TSC22D1: variants seen among roughly 807,000 people sequenced by gnomAD.
TSC22D1 encodes the protein TSC22 domain family member 1, also known as TSC22 domain family protein 1.
In TSC22D1, 9 loss-of-function variants were observed where a neutral mutation model predicts 74.2. The observed-to-expected ratio is 0.12, with a 90% confidence interval of 0.07 to 0.21. TSC22D1 has a LOEUF of 0.21. Ranked by LOEUF, TSC22D1 falls within the 10% of genes least tolerant of loss-of-function variation. TSC22D1 has a pLI of 1.00. For synonymous variants in TSC22D1, 586 were observed against 492.5 expected (o/e 1.19, Z -2.51); for missense variants, 1,427 against 1,304.7 (o/e 1.09, Z -1.44).
At chr13:44,546,823 G>C (rs1294943055) in intron 1 of TSC22D1, among the ~76,000 whole-genome samples, 1 of 151,628 alleles carries the variant, frequency 6.6e-6, no homozygotes, top group Non-Finnish European at 1.5e-5. Flanking sequence ...CCCAGGCTAG[G>C]ATGCGCTGAA....
At chr13:44,503,464 T>A (rs1644023282) in intron 1 of TSC22D1, among the ~76,000 whole-genome samples, 1 of 152,178 alleles carries the variant, frequency 6.6e-6, no homozygotes, top group African/African-American at 2.4e-5. Flanking sequence ...AAAAATGATT[T>A]CCACCCAAAC....
intron 1 of TSC22D1, among the ~76,000 whole-genome samples, chr13:44,523,873 C>G (rs975249919): frequency 3.9e-5 from 6 of 152,062 alleles, no homozygotes. Context: ...ATTAGATACT[C>G]ATGAGAATGA....
chr13:44,575,851 G>C lies in TSC22D1; in HGVS notation c.224C>G (p.Ser75Trp), dbSNP rs750196577. ...TTGTGGAGGCGGAGGCTGTGGTCCCGACGTAGAAGATGCTGCAGGGGGCGG... is the reference window on the plus strand; with the variant it reads ...TTGTGGAGGCGGAGGCTGTGGTCCCCACGTAGAAGATGCTGCAGGGGGCGG... ...QPPPPAASSTSGPQPPPPQSL... is the reference protein window; with the variant it reads ...QPPPPAASSTWGPQPPPPQSL... Residue 75 changes from serine (S) to tryptophan (W), a missense_variant, in exon 1 of 3, where the codon TCG becomes TGG. By Grantham distance (177) the Ser-to-Trp change is radical (BLOSUM62 -3). This residue lies in a region of TSC22D1 where 1,343 missense variants were observed against 1,191.5 expected (regional missense o/e 1.13). Transcript: ENST00000458659. 20 of 1,613,996 alleles carry C rather than the reference G, an allele frequency of 1.2e-5. No individual in the cohort carries two copies. The highest frequency in any genetic ancestry group is 1.7e-5 in the Non-Finnish European group (20 of 1,180,012).
intron 1 of TSC22D1, among the ~76,000 whole-genome samples, chr13:44,557,347 G>C (rs528095553): frequency 6.6e-6 from 1 of 152,136 alleles, no homozygotes; most frequent in Non-Finnish European, 1.5e-5. Flanking sequence ...TGTAATCCCA[G>C]CTACTTGGGA....
Position 44,432,585 on chromosome 13 carries a change from A to G in TSC22D1, c.*2041T>C, listed in dbSNP as rs982182407. 1.3e-5 allele frequency: 2 copies of G among 152,216 alleles called. No individual in the cohort carries two copies. Among genetic ancestry groups the G allele is most frequent in the Non-Finnish European group, 2.9e-5 (2 of 68,036 alleles). The allele number at this position is 152,216 out of a possible 1,614,324, so 9.4% of individuals were successfully genotyped here. On this transcript the variant is annotated 3_prime_UTR_variant, in exon 3 of 3. Coordinates refer to ENST00000458659, the MANE Select transcript of TSC22D1 (RefSeq NM_183422.4). The stretch of plus-strand genomic sequence containing the variant: ...AACAGGATGCCCGTGTCACCACTTT[A>G]TAACACATGCACGCTATCGAACAAT...
At chr13:44,530,675 A>C (rs908815836) in intron 1 of TSC22D1, among the ~76,000 whole-genome samples, 2 of 152,052 alleles carry the variant, frequency 1.3e-5, no homozygotes, top group South Asian at 2.1e-4. Flanking sequence ...AAAAAAAAAA[A>C]CAAACCTGAT....
At chr13:44,552,133 T>C (rs549489464) in intron 1 of TSC22D1, among the ~76,000 whole-genome samples, 382 of 152,326 alleles carry the variant, frequency 2.5e-3, no homozygotes, top group Non-Finnish European at 4.4e-3. Flanking sequence ...CTGTATATCT[T>C]CAGAAATGTC....
At chr13:44,506,258 T>C (rs770156076) in intron 1 of TSC22D1, among the ~76,000 whole-genome samples, 5 of 152,132 alleles carry the variant, frequency 3.3e-5, no homozygotes, top group South Asian at 2.1e-4. Flanking sequence ...AGGGGAACAG[T>C]TGAGTAGGAA....
chr13:44,548,090 C>T (rs187237627), intron 1 of TSC22D1, among the ~76,000 whole-genome samples: 181 of 152,300 alleles, frequency 1.2e-3, no homozygotes, highest in Admixed American at 3.9e-3. Context: ...AACTAACTCA[C>T]CTAAGATCAC....
chr13:44,502,193 T>C (rs1171983140), intron 1 of TSC22D1, among the ~76,000 whole-genome samples: 1 of 152,216 alleles, frequency 6.6e-6, no homozygotes, highest in African/African-American at 2.4e-5. Context: ...GCCTTCCTGA[T>C]TGGTGAGTAC....
At chr13:44,442,764 A>T (rs986847117) in intron 1 of TSC22D1, among the ~76,000 whole-genome samples, 1 of 151,964 alleles carries the variant, frequency 6.6e-6, no homozygotes, top group Non-Finnish European at 1.5e-5. Context: ...TAAAAATATA[A>T]AATAGCTGGG....
chr13:44,548,651 T>C (rs1181288623), intron 1 of TSC22D1, among the ~76,000 whole-genome samples: 1 of 152,068 alleles, frequency 6.6e-6, no homozygotes, highest in Non-Finnish European at 1.5e-5. Context: ...AAATAAAGCG[T>C]AGCAAAATTT....
At chr13:44,491,297 T>TA (rs1878703428) in intron 1 of TSC22D1, among the ~76,000 whole-genome samples, 1 of 152,196 alleles carries the variant, frequency 6.6e-6, no homozygotes, top group Admixed American at 6.5e-5. Context: ...CTCACGCCTG[T>TA]AATCCCAGCA....
intron 1 of TSC22D1, among the ~76,000 whole-genome samples, chr13:44,444,341 T>C (rs1185103558): frequency 1.1e-5 from 1 of 94,360 alleles, no homozygotes; most frequent in Non-Finnish European, 2.3e-5. Flanking sequence ...AAAACAATAA[T>C]GACATTAAAT....
At chr13:44,435,817 A>T (rs763998381) in intron 2 of TSC22D1, 10 of 574,008 alleles carry the variant, frequency 1.7e-5, no homozygotes, top group Admixed American at 9.7e-5. Context: ...GTCGTGTGAA[A>T]CCAGTCCGGG....
intron 1 of TSC22D1, among the ~76,000 whole-genome samples, chr13:44,536,441 A>C (rs1034621144): frequency 6.6e-6 from 1 of 151,890 alleles, no homozygotes; most frequent in East Asian, 1.9e-4. Flanking sequence ...AGAATCAATA[A>C]AACTAAATAT....
In TSC22D1 at chr13:44,472,801, GTA is replaced by G. The variant is rs537262727; in HGVS notation, c.2913-36708_2913-36707del. Among the ~76,000 whole-genome samples, 7 of 152,256 alleles carry G rather than the reference GTA, an allele frequency of 4.6e-5. No homozygotes were observed. In the South Asian group the frequency reaches 1.5e-3, roughly 32 times the overall value. ...GAAAGGCAATTTTCTTTGTTTTGAG[GTA>G]TATATTTTTGAACATTCCTTCTATC... On this transcript the variant is annotated intron_variant, in intron 1 of 2. Coordinates refer to ENST00000458659, the MANE Select transcript of TSC22D1 (RefSeq NM_183422.4).
Position 44,575,329 on chromosome 13 carries a change from A to C in TSC22D1, c.746T>G (p.Ile249Ser). Residue 249 changes from isoleucine to serine, a missense_variant, in exon 1 of 3, where the codon ATT (isoleucine) becomes AGT (serine). Around this residue, in one of 3 missense-constraint regions of TSC22D1, gnomAD observed 1,343 missense variants for 1,191.5 expected, o/e 1.13. Transcript: ENST00000458659. ...PSHVAVASASITGGPPSSPVS... is the reference protein window; with the variant it reads ...PSHVAVASASSTGGPPSSPVS... Reference sequence around the variant, plus strand: ...TGGGCTTGAGGGTGGCCCACCAGTAATGGATGCACTGGCCACAGCAACATG... The same window carrying C: ...TGGGCTTGAGGGTGGCCCACCAGTACTGGATGCACTGGCCACAGCAACATG... 3 of 1,614,180 alleles carry C rather than the reference A, an allele frequency of 1.9e-6. No individual in the cohort carries two copies. Among genetic ancestry groups the C allele is most frequent in the Non-Finnish European group, 2.5e-6 (3 of 1,180,030 alleles).
At chr13:44,438,119 TAAAC>T (rs1314474371) in intron 1 of TSC22D1, among the ~76,000 whole-genome samples, 1 of 152,178 alleles carries the variant, frequency 6.6e-6, no homozygotes, top group Non-Finnish European at 1.5e-5. Flanking sequence ...TAATACAACA[TAAAC>T]AGTTTCCAAG....
Sources: gnomAD v4.1 joint callset for allele counts (sites outside exome capture counted in the v4.1 genomes callset) on GRCh38, gnomAD v4.1.1 for gene constraint, gnomAD v4.1.1 regional missense constraint, MANE v1.5 for transcripts, NCBI Gene and HGNC (gene_info 2026-07-23, HGNC 2026-07-21) for gene names.